SLC9B2: variants seen among roughly 807,000 people sequenced by gnomAD.
SLC9B2 encodes solute carrier family 9 member B2.
A neutral mutation model predicts 52.2 loss-of-function variants in SLC9B2; 39 were observed. That is an observed-to-expected ratio of 0.75 (90% CI 0.58 to 0.98). SLC9B2 has a LOEUF of 0.98. Ranked by LOEUF, SLC9B2 falls within the 50% of genes least tolerant of loss-of-function variation. The pLI is 0.00. For synonymous variants in SLC9B2, 214 were observed against 227.0 expected (o/e 0.94, Z 0.51); for missense variants, 626 against 637.5 (o/e 0.98, Z 0.19).
intron 4 of SLC9B2, among the ~76,000 whole-genome samples, chr4:103,057,402 C>T (rs1348645261): frequency 6.6e-6 from 1 of 151,938 alleles, no homozygotes; most frequent in Non-Finnish European, 1.5e-5. Flanking sequence ...CTCCTGGGTT[C>T]AGTCAATCCT....
rs1294399934 is a variant in SLC9B2, at chr4:103,026,503, G to A, written c.1481C>T (p.Ala494Val). 13 of 1,613,768 alleles carry A rather than the reference G, an allele frequency of 8.1e-6. No homozygotes were observed. Among genetic ancestry groups the A allele is most frequent in the Admixed American group, 1.7e-5 (1 of 59,954 alleles). ...EDYGMDVLTVAFLSILITAPI... is the reference protein window; with the variant it reads ...EDYGMDVLTVVFLSILITAPI... ...GGCTGTGATGAGGATGGACAAAAAT[G>A]CCACTGTCAACACATCCATTCCATA... The change falls in exon 12 of 12, where the codon GCA (alanine) becomes GTA (valine). Residue 494 changes from alanine to valine, a missense_variant. By Grantham distance (64) the Ala-to-Val change is moderately conservative (BLOSUM62 0). Coordinates refer to ENST00000394785, the MANE Select transcript of SLC9B2 (RefSeq NM_178833.7).
chr4:103,055,715 GT>G (rs1306591808), intron 4 of SLC9B2, among the ~76,000 whole-genome samples: 1 of 151,204 alleles, frequency 6.6e-6, no homozygotes, highest in Admixed American at 6.6e-5. Context: ...AAGGTAGGTG[GT>G]TTTTTACTAA....
At chr4:103,046,911 A>G (rs1377770984) in intron 7 of SLC9B2, 140 bp downstream of exon 7, 1 of 948,776 alleles carries the variant, frequency 1.1e-6, no homozygotes, top group Non-Finnish European at 1.5e-6. Context: ...GACCCTCCTT[A>G]GGTACAGAAC....
intron 4 of SLC9B2, among the ~76,000 whole-genome samples, chr4:103,053,265 G>C (rs2110627608): frequency 6.6e-6 from 1 of 152,236 alleles, no homozygotes; most frequent in South Asian, 2.1e-4. Context: ...ATATAGAACA[G>C]GCAACCATCA....
At chr4:103,026,612 A>C in intron 11 of SLC9B2, 21 bp from the exon 12 acceptor site, 2 of 1,591,146 alleles carry the variant, frequency 1.3e-6, no homozygotes, top group Non-Finnish European at 1.7e-6. Context: ...TTAAGGGTAA[A>C]AATGGAATCA....
At chr4:103,050,183 C>T in intron 5 of SLC9B2, 57 bp downstream of exon 5, 2 of 1,442,944 alleles carry the variant, frequency 1.4e-6, no homozygotes, top group South Asian at 1.5e-5. Flanking sequence ...TGTTAGATAC[C>T]TGAAGCATTG....
rs931528548 is a variant in SLC9B2, at chr4:103,053,175, C to A, written c.443-2793G>T. Among the ~76,000 whole-genome samples, 66 of 152,010 alleles carry A rather than the reference C, an allele frequency of 4.3e-4. 1 individual carries two copies. Among genetic ancestry groups the A allele is most frequent in the Admixed American group, 4.3e-3 (66 of 15,266 alleles). ...TTTTTCTTCTCTTCCAAAGGGAAGC[C>A]GTTTTCAAATTCATTTCAGGAATCA... On this transcript the variant is annotated intron_variant, in intron 4 of 11. Transcript: ENST00000394785.
chr4:103,065,236 T>C (rs1316177663), intron 3 of SLC9B2, among the ~76,000 whole-genome samples: 1 of 151,832 alleles, frequency 6.6e-6, no homozygotes, highest in East Asian at 1.9e-4. Flanking sequence ...GGGTGATATA[T>C]ATTGGGTTGT....
chr4:103,038,004 G>A (rs546417203), intron 9 of SLC9B2, among the ~76,000 whole-genome samples: 142 of 152,098 alleles, frequency 9.3e-4, no homozygotes, highest in Middle Eastern at 3.4e-3. Flanking sequence ...TGGGACTACA[G>A]GTGTGCACCA....
chr4:103,075,487 G>A lies in SLC9B2; in HGVS notation c.-43+697C>T, dbSNP rs190558477. Among the ~76,000 whole-genome samples the A allele has an allele frequency of 9.2e-4, 140 of 152,306 alleles. 1 individual carries two copies. In the East Asian group the frequency reaches 0.019, roughly 21 times the overall value. On this transcript the variant is annotated intron_variant, in intron 1 of 11. Coordinates refer to ENST00000394785, the MANE Select transcript of SLC9B2 (RefSeq NM_178833.7). Reference sequence around the variant, plus strand: ...CTAAGATGCAGTCTGCCCTTTAAGGGATGGTCAGAGACTGATATGTGTTTA... The same window carrying A: ...CTAAGATGCAGTCTGCCCTTTAAGGAATGGTCAGAGACTGATATGTGTTTA...
chr4:103,054,916 C>T (rs1480184032), intron 4 of SLC9B2, among the ~76,000 whole-genome samples: 2 of 152,104 alleles, frequency 1.3e-5, no homozygotes, highest in African/African-American at 4.8e-5. Context: ...ATAAATCATG[C>T]TGCTATAAAG....
intron 11 of SLC9B2, among the ~76,000 whole-genome samples, chr4:103,027,327 A>T (rs554724509): frequency 6.6e-6 from 1 of 152,330 alleles, no homozygotes; most frequent in Admixed American, 6.5e-5. Context: ...GAAAACTGTT[A>T]AATTTTAAAT....
chr4:103,019,380 A>G (rs1047723372), downstream of SLC9B2, among the ~76,000 whole-genome samples: 2 of 152,208 alleles, frequency 1.3e-5, no homozygotes, highest in Admixed American at 1.3e-4. Context: ...AGAACAAACA[A>G]GAGAGATGTG....
At chr4:103,029,189 G>A (rs1022986822) in intron 10 of SLC9B2, among the ~76,000 whole-genome samples, 1 of 152,098 alleles carries the variant, frequency 6.6e-6, no homozygotes, top group Non-Finnish European at 1.5e-5. Context: ...GTTCATGTGT[G>A]TAAGAAGAAT....
intron 3 of SLC9B2, among the ~76,000 whole-genome samples, chr4:103,064,290 T>C (rs1268683269): frequency 6.6e-6 from 1 of 152,196 alleles, no homozygotes; most frequent in East Asian, 1.9e-4. Context: ...TATGTGTATA[T>C]ACACAATGAT....
chr4:103,048,739 GT>G, intron 6 of SLC9B2, 153 bp downstream of exon 6: 1 of 946,742 alleles, frequency 1.1e-6, no homozygotes, highest in South Asian at 1.8e-5. Context: ...CATAAACTAT[GT>G]TTTGAAGTTA....
At chr4:103,071,115 G>A (rs1418305007) in intron 1 of SLC9B2, among the ~76,000 whole-genome samples, 1 of 151,968 alleles carries the variant, frequency 6.6e-6, no homozygotes, top group Non-Finnish European at 1.5e-5. Context: ...TGGAAGAGGA[G>A]TGGCTGGACT....
At chr4:103,057,030 T>G (rs1009325600) in intron 4 of SLC9B2, among the ~76,000 whole-genome samples, 8 of 152,076 alleles carry the variant, frequency 5.3e-5, no homozygotes, top group Non-Finnish European at 7.4e-5. Context: ...GCTGATTTTT[T>G]TTGTTGTTGT....
At chr4:103,029,460 G>A (rs188958086) in intron 10 of SLC9B2, among the ~76,000 whole-genome samples, 175 of 152,190 alleles carry the variant, frequency 1.1e-3, no homozygotes, top group Non-Finnish European at 2.3e-3. Flanking sequence ...AGCCAGTATG[G>A]AGGGAATTAG....
Sources: allele counts gnomAD v4.1 joint callset (sites outside exome capture counted in the v4.1 genomes callset), GRCh38; gene constraint gnomAD v4.1.1; transcripts MANE v1.5; gene names NCBI Gene and HGNC (gene_info 2026-07-23, HGNC 2026-07-21).